Variants in VEGFC observed in about 807,000 individuals in gnomAD.
The protein encoded by VEGFC is FLT4 ligand DHM.
A neutral mutation model predicts 46.1 loss-of-function variants in VEGFC; 12 were observed. The ratio of observed to expected loss-of-function variants is 0.26; its 90% CI spans 0.17 to 0.42. VEGFC has a LOEUF of 0.42. Among genes scored for constraint, VEGFC ranks in the 10% least tolerant of loss-of-function variants. The pLI, the probability that VEGFC is intolerant of heterozygous loss-of-function variation, is 1.00. For missense variants in VEGFC, 488 were observed against 529.4 expected, an observed-to-expected ratio of 0.92 and a Z score of 0.77; for synonymous variants, 232 against 195.5, an observed-to-expected ratio of 1.19 and a Z score of -1.56.
chr4:176,707,964 T>C (rs1464768496), intron 4 of VEGFC, among the ~76,000 whole-genome samples: 1 of 151,764 alleles, frequency 6.6e-6, no homozygotes, highest in African/African-American at 2.4e-5. Flanking sequence ...TAATAATTTA[T>C]ATTTTATTAT....
chr4:176,776,522 C>T (rs544427857), intron 1 of VEGFC, among the ~76,000 whole-genome samples: 1 of 152,324 alleles, frequency 6.6e-6, no homozygotes, highest in East Asian at 1.9e-4. Context: ...CAATACAAAA[C>T]ATATGATCAA....
At chr4:176,739,772 G>C (rs895759788) in intron 1 of VEGFC, among the ~76,000 whole-genome samples, 1 of 151,240 alleles carries the variant, frequency 6.6e-6, no homozygotes, top group Non-Finnish European at 1.5e-5. Context: ...AAAGAAAAAA[G>C]AAAATCAAAG....
chr4:176,736,345 T>C (rs901665449), intron 1 of VEGFC, among the ~76,000 whole-genome samples: 1 of 151,832 alleles, frequency 6.6e-6, no homozygotes, highest in Non-Finnish European at 1.5e-5. Context: ...TGTCGGCCTA[T>C]GCATATAGGC....
At chr4:176,778,473 C>T (rs1312081044) in intron 1 of VEGFC, among the ~76,000 whole-genome samples, 3 of 152,008 alleles carry the variant, frequency 2.0e-5, no homozygotes, top group Non-Finnish European at 2.9e-5. Flanking sequence ...GGATGCCCCC[C>T]GCCACCAACA....
At chr4:176,788,934 AAAAC>A (rs988855967) in intron 1 of VEGFC, among the ~76,000 whole-genome samples, 1 of 152,252 alleles carries the variant, frequency 6.6e-6, no homozygotes, top group African/African-American at 2.4e-5. Flanking sequence ...GGTGTAGTGA[AAAAC>A]AAAACTAACT....
chr4:176,746,947 G>C (rs1457739884), intron 1 of VEGFC, among the ~76,000 whole-genome samples: 1 of 152,072 alleles, frequency 6.6e-6, no homozygotes, highest in African/African-American at 2.4e-5. Context: ...TGAGTGCTTC[G>C]ATATCACAGA....
Position 176,729,545 on chromosome 4 carries a change from C to T in VEGFC, c.349G>A (p.Glu117Lys). ...TTCCCATACTTACTTTTCAAGATCT[C>T]TGTATTATAATGTGCTGCAGCAAAT... ...IKFAAAHYNT[E>K]ILKSIDNEWR... Residue 117 changes from glutamate (E) to lysine (K), a missense_variant, in exon 2 of 7, where the codon GAG becomes AAG. Coordinates refer to ENST00000618562, the MANE Select transcript of VEGFC (RefSeq NM_005429.5). 1.2e-6 allele frequency: 2 copies of T among 1,612,468 alleles called. No individual in the cohort carries two copies. The highest frequency in any genetic ancestry group is 1.7e-6 in the Non-Finnish European group (2 of 1,179,490).
chr4:176,790,979 C>T (rs938104125), intron 1 of VEGFC, among the ~76,000 whole-genome samples: 1 of 152,128 alleles, frequency 6.6e-6, no homozygotes, highest in African/African-American at 2.4e-5. Flanking sequence ...AATTATTACA[C>T]ATTCCAACAT....
rs1734062094 is a variant in VEGFC, at chr4:176,687,374, T to C, written c.958A>G (p.Lys320Glu). ...LDRNSCQCVC[K>E]NKLFPSQCGA... Reference sequence around the variant, plus strand: ...CATTGGCTGGGGAAGAGTTTGTTTTTACAGACACACTGGCATGAGTTTCTG... The same window carrying C: ...CATTGGCTGGGGAAGAGTTTGTTTTCACAGACACACTGGCATGAGTTTCTG... Residue 320 changes from lysine (K) to glutamate (E), a missense_variant, in exon 6 of 7, where the codon AAA (lysine) becomes GAA (glutamate). Transcript: ENST00000618562. The C allele has an allele frequency of 6.2e-7, 1 of 1,614,208 alleles. No homozygotes were observed. Among genetic ancestry groups the C allele is most frequent in the African/African-American group, 1.3e-5 (1 of 75,066 alleles).
chr4:176,698,190 A>G (rs17063598), intron 4 of VEGFC, among the ~76,000 whole-genome samples: 15,992 of 151,174 alleles, frequency 0.11, 2,845 homozygotes, highest in African/African-American at 0.37. Context: ...TACTTTCAAC[A>G]TCACAGCAGG....
At chr4:176,739,747 C>T (rs1232806189) in intron 1 of VEGFC, among the ~76,000 whole-genome samples, 1 of 151,246 alleles carries the variant, frequency 6.6e-6, no homozygotes, top group Non-Finnish European at 1.5e-5. Context: ...AACCCCTGAA[C>T]TTAAAAGTTG....
chr4:176,740,203 GAATA>G (rs1172075538), intron 1 of VEGFC, among the ~76,000 whole-genome samples: 4 of 115,850 alleles, frequency 3.5e-5, no homozygotes, highest in Admixed American at 1.0e-4. Flanking sequence ...TCTATATATA[GAATA>G]TATATCTATA....
chr4:176,714,196 G>C (rs568873325), intron 3 of VEGFC, among the ~76,000 whole-genome samples: 1 of 152,316 alleles, frequency 6.6e-6, no homozygotes, highest in East Asian at 1.9e-4. Flanking sequence ...TGGGTCATGG[G>C]ACCAGATCCC....
intron 1 of VEGFC, among the ~76,000 whole-genome samples, chr4:176,741,174 C>T (rs559014770): frequency 1.1e-3 from 172 of 151,946 alleles, no homozygotes; most frequent in African/African-American, 4.0e-3. Flanking sequence ...GAAAGTTATA[C>T]AACACAGGGA....
chr4:176,696,890 G>T lies in VEGFC; in HGVS notation c.705-8963C>A, dbSNP rs1265498771. Among the ~76,000 whole-genome samples, 9 of 151,710 alleles carry T rather than the reference G, an allele frequency of 5.9e-5. No homozygotes were observed. In the East Asian group the frequency reaches 7.7e-4, roughly 13 times the overall value. On this transcript the variant is annotated intron_variant, in intron 4 of 6. Coordinates refer to ENST00000618562, the MANE Select transcript of VEGFC (RefSeq NM_005429.5). ...GAAAAACAAGCAATGGGGAAAGGAT[G>T]CCCTATTTAATAAATGGTGCTGGGA...
At chr4:176,777,513 A>T (rs1735834281) in intron 1 of VEGFC, among the ~76,000 whole-genome samples, 1 of 152,224 alleles carries the variant, frequency 6.6e-6, no homozygotes, top group Admixed American at 6.5e-5. Flanking sequence ...ACTGAATCTT[A>T]TAGAACTGTT....
chr4:176,736,508 T>C (rs1735056890), intron 1 of VEGFC, among the ~76,000 whole-genome samples: 1 of 151,662 alleles, frequency 6.6e-6, no homozygotes, highest in South Asian at 2.1e-4. Context: ...TGCCTTGTAA[T>C]TTCTTGTGAT....
At chr4:176,766,586 CAAAAA>C (rs34010850) in intron 1 of VEGFC, among the ~76,000 whole-genome samples, 1 of 137,500 alleles carries the variant, frequency 7.3e-6, no homozygotes, top group Admixed American at 7.2e-5. Flanking sequence ...CACTCTGTCT[CAAAAA>C]AAAAAAAAAA....
At chr4:176,703,796 C>T (rs929016366) in intron 4 of VEGFC, among the ~76,000 whole-genome samples, 23 of 152,038 alleles carry the variant, frequency 1.5e-4, no homozygotes, top group Admixed American at 6.6e-5. Context: ...CATAGCCACA[C>T]CTCAAAAGAA....
Sources: allele counts gnomAD v4.1 joint callset (sites outside exome capture counted in the v4.1 genomes callset), GRCh38; gene constraint gnomAD v4.1.1; transcripts MANE v1.5; gene names NCBI Gene and HGNC (gene_info 2026-07-23, HGNC 2026-07-21).